ELF2: variants seen among roughly 807,000 people sequenced by gnomAD.
The protein encoded by ELF2 is ETS-related transcription factor Elf-2.
Under a neutral mutation model 54.8 loss-of-function variants are expected in ELF2, and 11 were observed. That is an observed-to-expected ratio of 0.20 (90% confidence interval 0.13 to 0.33). The LOEUF (loss-of-function observed/expected upper bound fraction) is 0.33. ELF2 is among the 10% of genes least tolerant of loss of function. ELF2 has a pLI of 1.00. For missense variants in ELF2, 513 were observed against 703.0 expected, an observed-to-expected ratio of 0.73 and a Z score of 3.06; for synonymous variants, 203 against 245.1, an observed-to-expected ratio of 0.83 and a Z score of 1.61.
chr4:139,072,137 T>A, intron 5 of ELF2, 98 bp from the exon 6 acceptor site: 1 of 1,220,734 alleles, frequency 8.2e-7, no homozygotes, highest in Non-Finnish European at 1.1e-6. Flanking sequence ...TGTTAAGAAT[T>A]AATCAAAGCA....
chr4:139,113,979 CAT>C, intron 4 of ELF2, among the ~76,000 whole-genome samples: 1 of 151,916 alleles, frequency 6.6e-6, no homozygotes, highest in African/African-American at 2.4e-5. Flanking sequence ...ATCTGTAAAA[CAT>C]ATATTCAAGT....
intron 3 of ELF2, among the ~76,000 whole-genome samples, chr4:139,127,211 G>A (rs553411303): frequency 6.6e-6 from 1 of 152,274 alleles, no homozygotes; most frequent in South Asian, 2.1e-4. Flanking sequence ...CTATGTGTTG[G>A]AGGAAGATTA....
At chr4:139,173,237 T>C (rs968491044) in intron 1 of ELF2, among the ~76,000 whole-genome samples, 2 of 152,152 alleles carry the variant, frequency 1.3e-5, no homozygotes, top group Non-Finnish European at 2.9e-5. Flanking sequence ...CTAAAAATTA[T>C]TGAATTATAT....
chr4:139,157,199 C>T (rs571281698), intron 1 of ELF2, among the ~76,000 whole-genome samples: 2 of 152,244 alleles, frequency 1.3e-5, no homozygotes, highest in Admixed American at 1.3e-4. Context: ...ATAGACAACT[C>T]TAACACAATG....
chr4:139,146,138 T>C (rs1017405294), intron 1 of ELF2, among the ~76,000 whole-genome samples: 11 of 152,190 alleles, frequency 7.2e-5, no homozygotes, highest in Non-Finnish European at 1.3e-4. Context: ...TGAAGATTCC[T>C]CCAAAGACTA....
intron 2 of ELF2, 85 bp from the exon 3 acceptor site, chr4:139,137,952 T>G (rs1738342608): frequency 3.2e-6 from 3 of 926,300 alleles, no homozygotes; most frequent in Non-Finnish European, 4.3e-6. Flanking sequence ...CAATCTAATT[T>G]TAACACTTAA....
chr4:139,086,492 G>A (rs1236714154), intron 4 of ELF2, among the ~76,000 whole-genome samples: 1 of 152,060 alleles, frequency 6.6e-6, no homozygotes, highest in Non-Finnish European at 1.5e-5. Context: ...GTCTATTTGA[G>A]CTTTTTATGT....
chr4:139,164,344 G>T (rs947392227), intron 1 of ELF2, among the ~76,000 whole-genome samples: 6 of 152,102 alleles, frequency 3.9e-5, no homozygotes, highest in African/African-American at 1.2e-4. Context: ...CTTTCTAAAA[G>T]TTTAGCTTTG....
At chr4:139,085,270 AATAATAC>A (rs1291054800) in intron 4 of ELF2, among the ~76,000 whole-genome samples, 6 of 152,384 alleles carry the variant, frequency 3.9e-5, no homozygotes, top group Non-Finnish European at 8.8e-5. Context: ...TTCAGAATTT[AATAATAC>A]ATAAATTGTT....
chr4:139,115,636 C>G (rs1735630519), intron 4 of ELF2, among the ~76,000 whole-genome samples: 1 of 152,008 alleles, frequency 6.6e-6, no homozygotes, highest in African/African-American at 2.4e-5. Flanking sequence ...AGGAAAGATT[C>G]ATAATTGCAA....
chr4:139,094,250 G>A (rs945436307), intron 4 of ELF2, among the ~76,000 whole-genome samples: 1 of 152,154 alleles, frequency 6.6e-6, no homozygotes, highest in Non-Finnish European at 1.5e-5. Flanking sequence ...AAGACAAAAG[G>A]AGGGCTGAGT....
In ELF2 at chr4:139,059,453, T is replaced by C. The variant is rs769379908; in HGVS notation, c.1312A>G (p.Ile438Val). The change falls in exon 10 of 10, where the codon ATC (isoleucine) becomes GTC (valine). Residue 438 changes from isoleucine (I) to valine (V), a missense_variant. By Grantham distance (29) the Ile-to-Val change is conservative. Coordinates refer to ENST00000686138, the MANE Select transcript of ELF2 (RefSeq NM_001331036.3). ...ATSPKVVIQT[I>V]PTVMPASTEN... Reference sequence around the variant, plus strand: ...GTAGAAGCTGGCATCACAGTAGGGATTGTCTGAATGACTACCTTTGGAGAG... The same window carrying C: ...GTAGAAGCTGGCATCACAGTAGGGACTGTCTGAATGACTACCTTTGGAGAG... 2.2e-5 allele frequency: 35 copies of C among 1,613,866 alleles called. No individual in the cohort carries two copies. The highest frequency in any genetic ancestry group is 3.3e-5 in the Admixed American group (2 of 59,990).
chr4:139,148,316 A>ATT (rs772079635), intron 1 of ELF2, among the ~76,000 whole-genome samples: 1,566 of 64,618 alleles, frequency 0.024, 161 homozygotes, highest in East Asian at 0.04. Flanking sequence ...TACCTGGCTA[A>ATT]TTTTTTTTTT....
At chr4:139,145,994 C>A (rs75848674) in intron 1 of ELF2, among the ~76,000 whole-genome samples, 1,574 of 152,290 alleles carry the variant, frequency 0.01, 23 homozygotes, top group African/African-American at 0.036. Flanking sequence ...TTAATCACTT[C>A]TTTTCAACAT....
At chr4:139,071,270 T>C (rs1560767493) in intron 6 of ELF2, among the ~76,000 whole-genome samples, 1 of 151,924 alleles carries the variant, frequency 6.6e-6, no homozygotes, top group Admixed American at 6.6e-5. Context: ...ATGATATAAA[T>C]GATATATATA....
intron 1 of ELF2, among the ~76,000 whole-genome samples, chr4:139,141,001 G>A (rs1738646123): frequency 6.6e-6 from 1 of 151,928 alleles, no homozygotes; most frequent in Non-Finnish European, 1.5e-5. Flanking sequence ...GTCTTCATAG[G>A]ACTTGCTGCC....
intron 4 of ELF2, among the ~76,000 whole-genome samples, chr4:139,089,273 C>T (rs1180544324): frequency 6.6e-6 from 1 of 152,070 alleles, no homozygotes; most frequent in African/African-American, 2.4e-5. Flanking sequence ...ATCTATGTTC[C>T]TAGTTTAAGA....
rs1728927617 is a variant in ELF2 at position 139,067,755 on chromosome 4, T to G, written c.542A>C (p.Lys181Thr). 1 of 1,596,402 alleles carries G rather than the reference T, an allele frequency of 6.3e-7. No homozygotes were observed. Among genetic ancestry groups the G allele is most frequent in the African/African-American group, 1.3e-5 (1 of 74,664 alleles). The change falls in exon 7 of 10, where the codon AAG becomes ACG. Residue 181 changes from lysine (K) to threonine (T), a missense_variant. Lys to Thr is a moderately conservative substitution (Grantham distance 78). Coordinates refer to ENST00000686138, the MANE Select transcript of ELF2 (RefSeq NM_001331036.3). The part of the protein sequence containing the change: ...MKKKKVGRKP[K>T]TQQSPISNGS... ...ATTGGAAATTGGTGATTGCTGGGTCTTTGGTTTACGGCCAACTGAAAAAAT... is the reference window on the plus strand; with the variant it reads ...ATTGGAAATTGGTGATTGCTGGGTCGTTGGTTTACGGCCAACTGAAAAAAT...
In ELF2 at chr4:139,137,726, A is replaced by T. The variant is rs1292295735; in HGVS notation, c.-25T>A. On this transcript the variant is annotated 5_prime_UTR_variant, in exon 3 of 10. Coordinates refer to ENST00000686138, the MANE Select transcript of ELF2 (RefSeq NM_001331036.3). ...TTGTTATTCCCTGAGGAAGCTTCAA[A>T]CGCTATTAATCAATGAAATTAAAGG... The T allele has an allele frequency of 1.9e-6, 3 of 1,613,518 alleles. No individual in the cohort carries two copies. In the South Asian group the frequency reaches 3.3e-5, roughly 18 times the overall value.
Sources: gnomAD v4.1 joint callset for allele counts (sites outside exome capture counted in the v4.1 genomes callset) on GRCh38, gnomAD v4.1.1 for gene constraint, MANE v1.5 for transcripts, NCBI Gene and HGNC (gene_info 2026-07-23, HGNC 2026-07-21) for gene names.